The following PLD5 variants were observed in gnomAD, a reference collection of about 807,000 sequenced individuals.
PLD5 encodes phospholipase D family member 5.
Under a neutral mutation model 61.1 loss-of-function variants are expected in PLD5, and 36 were observed. The ratio of observed to expected loss-of-function variants is 0.59; its 90% CI spans 0.45 to 0.78. The LOEUF (loss-of-function observed/expected upper bound fraction) is 0.78, where lower values mean the gene tolerates loss of function less well. Ranked by LOEUF, PLD5 falls within the 30% of genes least tolerant of loss-of-function variation. The pLI, the probability that PLD5 is intolerant of heterozygous loss-of-function variation, is 0.00. For synonymous variants in PLD5, 243 were observed against 242.8 expected, an observed-to-expected ratio of 1.00 and a Z score of -0.01; for missense variants, 515 against 644.4, an observed-to-expected ratio of 0.80 and a Z score of 2.17.
At chr1:242,179,422 T>C (rs899361740) in intron 5 of PLD5, among the ~76,000 whole-genome samples, 1 of 152,174 alleles carries the variant, frequency 6.6e-6, no homozygotes, top group Non-Finnish European at 1.5e-5. Flanking sequence ...AAAGACTCTT[T>C]TGATAGGCAG....
intron 2 of PLD5, among the ~76,000 whole-genome samples, chr1:242,307,341 A>ATGACGG (rs1553346698): frequency 3.4e-5 from 5 of 148,608 alleles, no homozygotes; most frequent in Non-Finnish European, 6.0e-5. Context: ...TAGCAAAACG[A>ATGACGG]TGATGACGGT....
intron 1 of PLD5, among the ~76,000 whole-genome samples, chr1:242,494,977 G>T (rs534476894): frequency 6.6e-6 from 1 of 150,828 alleles, no homozygotes; most frequent in African/African-American, 2.4e-5. Flanking sequence ...GTGGGAGCCT[G>T]TATGGTTATC....
intron 4 of PLD5, chr1:242,235,996 C>G (rs532744121): frequency 2.0e-5 from 3 of 152,212 alleles, no homozygotes; most frequent in Non-Finnish European, 4.4e-5. Flanking sequence ...CAAGCACATG[C>G]ACAAGTGACT....
chr1:242,473,133 C>G (rs12082086), intron 1 of PLD5, among the ~76,000 whole-genome samples: 9,065 of 152,154 alleles, frequency 0.06, 329 homozygotes, highest in African/African-American at 0.066. Context: ...TCAGAGCCCC[C>G]AAAGGATAAT....
chr1:242,288,367 A>G lies in PLD5; in HGVS notation c.490T>C (p.Cys164Arg). The G allele has an allele frequency of 6.2e-7, 1 of 1,612,690 alleles. No homozygotes were observed. The highest frequency in any genetic ancestry group is 8.5e-7 in the Non-Finnish European group (1 of 1,179,608). Residue 164 changes from cysteine to arginine, a missense_variant, in exon 3 of 10, where the codon TGT (cysteine) becomes CGT (arginine). Cys to Arg is a radical substitution (Grantham distance 180). Transcript: ENST00000536534. Reference protein sequence around the residue: ...WDLNHTHPSACQGQRLFEKLL... With the variant: ...WDLNHTHPSARQGQRLFEKLL... ...ACACAGAGGATGTAGCTTACCTGACATGCTGATGGATGAGTGTGGTTGAGA... is the reference window on the plus strand; with the variant it reads ...ACACAGAGGATGTAGCTTACCTGACGTGCTGATGGATGAGTGTGGTTGAGA...
At chr1:242,385,961 G>C (rs1385950631) in intron 1 of PLD5, among the ~76,000 whole-genome samples, 2 of 152,160 alleles carry the variant, frequency 1.3e-5, no homozygotes, top group Non-Finnish European at 2.9e-5. Context: ...CTGGAATGCA[G>C]AAGTTCAGGG....
chr1:242,433,517 T>C (rs1665834966), intron 1 of PLD5, among the ~76,000 whole-genome samples: 1 of 152,230 alleles, frequency 6.6e-6, no homozygotes, highest in African/African-American at 2.4e-5. Flanking sequence ...TATTGTTCTG[T>C]AGTTATTCAT....
chr1:242,207,810 T>TTATATTTA (rs1345291269), intron 5 of PLD5, among the ~76,000 whole-genome samples: 1 of 37,564 alleles, frequency 2.7e-5, no homozygotes, highest in Non-Finnish European at 4.8e-5. Context: ...TTATATATAT[T>TTATATTTA]TATATTTATA....
chr1:242,363,433 C>T (rs1478469059), intron 1 of PLD5, among the ~76,000 whole-genome samples: 3 of 140,790 alleles, frequency 2.1e-5, no homozygotes, highest in Admixed American at 7.3e-5. Context: ...GCCTGGGCAA[C>T]ATGGTGAGAC....
At chr1:242,359,117 G>C (rs1287942886) in intron 1 of PLD5, among the ~76,000 whole-genome samples, 3 of 151,944 alleles carry the variant, frequency 2.0e-5, no homozygotes, top group Non-Finnish European at 4.4e-5. Flanking sequence ...CAGGTACACT[G>C]AGCTTTCATC....
In PLD5 at chr1:242,230,699, A is replaced by G. The variant is rs150051187; in HGVS notation, c.608-10584T>C. On this transcript the variant is annotated intron_variant, in intron 4 of 9. Coordinates refer to ENST00000536534, the MANE Select transcript of PLD5 (RefSeq NM_001372062.1). ...AGTAAGGGAACTTTTAAGATAATCA[A>G]TTATGTATTCCAGCTGTAAAAATAA... Among the ~76,000 whole-genome samples the G allele has an allele frequency of 8.7e-3, 1,327 of 152,042 alleles. 20 individuals carry two copies. The highest frequency in any genetic ancestry group is 0.03 in the African/African-American group (1,266 of 41,566).
At chr1:242,489,375 T>TAAA (rs11353482) in intron 1 of PLD5, among the ~76,000 whole-genome samples, 51 of 145,226 alleles carry the variant, frequency 3.5e-4, no homozygotes, top group South Asian at 2.4e-3. Context: ...TACATTTGAT[T>TAAA]AAAAAAAAAA....
chr1:242,395,043 G>GAATATATGAATATATATGTA (rs879927435), intron 1 of PLD5, among the ~76,000 whole-genome samples: 1 of 67,464 alleles, frequency 1.5e-5, no homozygotes, highest in African/African-American at 7.3e-5. Context: ...GAATGTATAT[G>GAATATATGAATATATATGTA]TATATATGAA....
At chr1:242,192,989 C>A (rs942532041) in intron 5 of PLD5, among the ~76,000 whole-genome samples, 1 of 152,156 alleles carries the variant, frequency 6.6e-6, no homozygotes, top group African/African-American at 2.4e-5. Context: ...CATAACTGAG[C>A]CTTGTCATGT....
At chr1:242,330,038 T>C (rs1478781764) in intron 2 of PLD5, among the ~76,000 whole-genome samples, 1 of 152,178 alleles carries the variant, frequency 6.6e-6, no homozygotes, top group Non-Finnish European at 1.5e-5. Context: ...TTTTAAAATG[T>C]GGATTTCTGA....
chr1:242,353,052 G>A (rs1161571655), intron 1 of PLD5, among the ~76,000 whole-genome samples: 1 of 152,064 alleles, frequency 6.6e-6, no homozygotes, highest in Non-Finnish European at 1.5e-5. Flanking sequence ...AATCCCATGT[G>A]TTTATTTTTG....
intron 5 of PLD5, among the ~76,000 whole-genome samples, chr1:242,163,646 A>G (rs1348076769): frequency 6.6e-6 from 1 of 152,204 alleles, no homozygotes; most frequent in African/African-American, 2.4e-5. Flanking sequence ...CATTCATTCT[A>G]TCTCCCAGCA....
chr1:242,213,912 C>T (rs1669982862), intron 5 of PLD5, among the ~76,000 whole-genome samples: 1 of 151,746 alleles, frequency 6.6e-6, no homozygotes, highest in African/African-American at 2.4e-5. Flanking sequence ...TCCCTATATC[C>T]AGTTACTTAG....
At chr1:242,501,501 G>C (rs925459948) in intron 1 of PLD5, among the ~76,000 whole-genome samples, 2 of 152,062 alleles carry the variant, frequency 1.3e-5, no homozygotes, top group Non-Finnish European at 2.9e-5. Flanking sequence ...GTCCACTTTG[G>C]GGCAGGCATC....
Sources: gnomAD v4.1 joint callset for allele counts (sites outside exome capture counted in the v4.1 genomes callset) on GRCh38, gnomAD v4.1.1 for gene constraint, MANE v1.5 for transcripts, NCBI Gene and HGNC (gene_info 2026-07-23, HGNC 2026-07-21) for gene names.